The following PCDHGB4 variants were observed in gnomAD, a reference collection of about 807,000 sequenced individuals.
The protein encoded by PCDHGB4 is protocadherin gamma-B4.
In PCDHGB4, 38 loss-of-function variants were observed where a neutral mutation model predicts 60.5. That is an observed-to-expected ratio of 0.63 (90% CI 0.48 to 0.82). The LOEUF (loss-of-function observed/expected upper bound fraction) is 0.82. Among genes scored for constraint, PCDHGB4 ranks in the 40% least tolerant of loss-of-function variants. The probability of loss-of-function intolerance (pLI) is 0.00; values close to 1 mark genes in which losing one functional copy is unlikely to be tolerated. For synonymous variants in PCDHGB4, 456 were observed against 509.7 expected, an observed-to-expected ratio of 0.89 and a Z score of 1.42; for missense variants, 1,109 against 1,209.6, an observed-to-expected ratio of 0.92 and a Z score of 1.23.
chr5:141,414,635 A>G (rs753834653), intron 1 of PCDHGB4: 72 of 1,613,866 alleles, frequency 4.5e-5, no homozygotes, highest in Admixed American at 2.0e-4. Flanking sequence ...GACAGCAAAG[A>G]GAATGCCCAG....
chr5:141,486,271 C>T lies in PCDHGB4; in HGVS notation c.2398-8536C>T. 1 of 1,614,086 alleles carries T rather than the reference C, an allele frequency of 6.2e-7. No homozygotes were observed. Among genetic ancestry groups the T allele is most frequent in the Non-Finnish European group, 8.5e-7 (1 of 1,179,994 alleles). ...CCCTCCCCGAGAGTGCAGAACCTGG[C>T]ACTGTGGTGGCACTTATCAGTGTGC... On this transcript the variant is annotated intron_variant, in intron 1 of 3. Coordinates refer to ENST00000519479, the MANE Select transcript of PCDHGB4 (RefSeq NM_003736.4). The surrounding 1 kb of genome is among the most constrained non-coding windows in gnomAD (Gnocchi z 5.0).
chr5:141,468,458 G>A (rs1047447240), intron 1 of PCDHGB4: 3 of 152,134 alleles, frequency 2.0e-5, no homozygotes, highest in African/African-American at 7.2e-5. Flanking sequence ...ATTAAAGCAA[G>A]TTATTTCTGA....
intron 2 of PCDHGB4, among the ~76,000 whole-genome samples, chr5:141,496,492 C>A (rs2099769172): frequency 6.6e-6 from 1 of 152,186 alleles, no homozygotes; most frequent in Non-Finnish European, 1.5e-5. Context: ...CCAACCAAAC[C>A]CTTGTTGCCA....
chr5:141,410,084 ACGG>A (rs748556729), intron 1 of PCDHGB4: 3 of 1,612,532 alleles, frequency 1.9e-6, no homozygotes, highest in Non-Finnish European at 2.5e-6. Context: ...GGAGGTGCGC[ACGG>A]CTCGAGCCTT....
intron 1 of PCDHGB4, among the ~76,000 whole-genome samples, chr5:141,401,525 G>A (rs1055771013): frequency 6.6e-6 from 1 of 152,096 alleles, no homozygotes; most frequent in Non-Finnish European, 1.5e-5. Flanking sequence ...ATTACCAGAA[G>A]AAACTTACAA....
At chr5:141,438,739 G>A (rs1264194876) in intron 1 of PCDHGB4, among the ~76,000 whole-genome samples, 1 of 149,040 alleles carries the variant, frequency 6.7e-6, no homozygotes, top group African/African-American at 2.5e-5. Context: ...TCAGCTCACT[G>A]CAACCTCTGC....
rs1200487646 is a variant in PCDHGB4, at chr5:141,410,571, C to T, written c.2397+20290C>T. 3 of 1,612,028 alleles carry T rather than the reference C, an allele frequency of 1.9e-6. No homozygotes were observed. The highest frequency in any genetic ancestry group is 2.5e-6 in the Non-Finnish European group (3 of 1,179,884). On this transcript the variant is annotated intron_variant, in intron 1 of 3. Coordinates refer to ENST00000519479, the MANE Select transcript of PCDHGB4 (RefSeq NM_003736.4). The stretch of plus-strand genomic sequence containing the variant: ...AGTGTTTCTCCTGGAGCCTTAATTC[C>T]ACCTCATGGTGGGGAGGATTTGACT...
At chr5:141,412,424 C>G (rs1383441983) in intron 1 of PCDHGB4, 1 of 152,136 alleles carries the variant, frequency 6.6e-6, no homozygotes, top group Non-Finnish European at 1.5e-5. Flanking sequence ...ATGTTTTACA[C>G]AAAAAGGTTA....
chr5:141,414,000 A>C (rs759228883), intron 1 of PCDHGB4: 20 of 1,613,400 alleles, frequency 1.2e-5, no homozygotes, highest in Non-Finnish European at 1.6e-5. Flanking sequence ...ACAGGGACGA[A>C]GGTGCCAATG....
chr5:141,456,140 G>A (rs1032104368), intron 1 of PCDHGB4, among the ~76,000 whole-genome samples: 38 of 152,022 alleles, frequency 2.5e-4, no homozygotes, highest in African/African-American at 8.7e-4. Flanking sequence ...CTCCTGATCC[G>A]CCCGCCTCGG....
rs768079276 is a variant in PCDHGB4, at chr5:141,490,997, G to A, written c.2398-3810G>A. On this transcript the variant is annotated intron_variant, in intron 1 of 3. Transcript: ENST00000519479. The surrounding 1 kb of genome is among the most constrained non-coding windows in gnomAD (Gnocchi z 5.4). ...CGTCTCCCTCGCTCTGCTCCTCCTG[G>A]CTCCTTGGTCACCAAGGTGACAGCC... 1.2e-6 allele frequency: 2 copies of A among 1,614,032 alleles called. No individual in the cohort carries two copies. Among genetic ancestry groups the A allele is most frequent in the Admixed American group, 1.7e-5 (1 of 60,030 alleles).
At chr5:141,400,087 G>A (rs751908680) in intron 1 of PCDHGB4, 3 of 1,614,042 alleles carry the variant, frequency 1.9e-6, no homozygotes, top group Non-Finnish European at 2.5e-6. Flanking sequence ...CTCCGCCACC[G>A]CCACGCTGCA....
In PCDHGB4 at chr5:141,389,733, C is replaced by A; in HGVS notation, c.1849C>A (p.Leu617Met). ...GGCTAGCGAGCCCGGGCTCTTCAGC[C>A]TGGGGCTGCGCACGGGCGAAGTGCG... The part of the protein sequence containing the change: ...LQASEPGLFS[L>M]GLRTGEVRTA... The change falls in exon 1 of 4, where the codon CTG becomes ATG. Residue 617 changes from leucine (L) to methionine (M), a missense_variant. Physicochemically the swap from Leu to Met is conservative, Grantham distance 15 (BLOSUM62 2). Transcript: ENST00000519479. 6.2e-7 allele frequency: 1 copy of A among 1,612,786 alleles called. No homozygotes were observed. The highest frequency in any genetic ancestry group is 8.5e-7 in the Non-Finnish European group (1 of 1,179,750).
chr5:141,407,982 G>A (rs976187867), intron 1 of PCDHGB4: 3 of 782,892 alleles, frequency 3.8e-6, no homozygotes, highest in Non-Finnish European at 5.7e-6. Context: ...CCGGGGATCC[G>A]TCAGCCTCTG....
chr5:141,421,515 C>A, intron 1 of PCDHGB4: 3 of 1,614,080 alleles, frequency 1.9e-6, no homozygotes, highest in Non-Finnish European at 2.5e-6. Context: ...GGGAGGAGCT[C>A]TGTGAGACGG....
intron 2 of PCDHGB4, among the ~76,000 whole-genome samples, chr5:141,501,032 C>A (rs1370625012): frequency 6.6e-6 from 1 of 151,976 alleles, no homozygotes; most frequent in Non-Finnish European, 1.5e-5. Context: ...CCACGCCCAG[C>A]TAATTTTTGT....
At chr5:141,414,926 G>T (rs2095802657) in intron 1 of PCDHGB4, 3 of 1,614,114 alleles carry the variant, frequency 1.9e-6, no homozygotes, top group Admixed American at 1.7e-5. Flanking sequence ...CTGGCGCCCC[G>T]CTCCGCAGAG....
chr5:141,429,169 TACACACACACACACACACAC>T (rs10667977), intron 1 of PCDHGB4: 4 of 145,394 alleles, frequency 2.8e-5, no homozygotes, highest in Non-Finnish European at 6.0e-5. Flanking sequence ...ACATTGTTTA[TACACACACACACACACACAC>T]ACACACACAC....
At position 141,389,301 on chromosome 5, in the gene PCDHGB4, A is replaced by G. The variant is rs2091692161; in HGVS notation, c.1417A>G (p.Arg473Gly). Residue 473 changes from arginine to glycine, a missense_variant, in exon 1 of 4, where the codon AGG (arginine) becomes GGG (glycine). This residue lies in a region of PCDHGB4 where 1,068 missense variants were observed against 1,089.9 expected (regional missense o/e 0.98). Coordinates refer to ENST00000519479, the MANE Select transcript of PCDHGB4 (RefSeq NM_003736.4). Reference protein sequence around the residue: ...NPPGASISQVRASDPDLGPNG... With the variant: ...NPPGASISQVGASDPDLGPNG... Reference sequence around the variant, plus strand: ...GCCTGGAGCCTCTATTTCACAAGTCAGGGCTTCTGATCCGGACTTGGGGCC... The same window carrying G: ...GCCTGGAGCCTCTATTTCACAAGTCGGGGCTTCTGATCCGGACTTGGGGCC... 1.9e-6 allele frequency: 3 copies of G among 1,614,010 alleles called. No individual in the cohort carries two copies. The highest frequency in any genetic ancestry group is 2.5e-6 in the Non-Finnish European group (3 of 1,179,898).
Sources: allele counts gnomAD v4.1 joint callset (sites outside exome capture counted in the v4.1 genomes callset), GRCh38; gene constraint gnomAD v4.1.1; regional missense constraint gnomAD v4.1.1; non-coding constraint Gnocchi (gnomAD v3.1); transcripts MANE v1.5; gene names NCBI Gene and HGNC (gene_info 2026-07-23, HGNC 2026-07-21).